Variants in L3MBTL4 observed in about 807,000 individuals in gnomAD.
The protein encoded by L3MBTL4 is L3MBTL histone methyl-lysine binding protein 4.
A neutral mutation model predicts 84.5 loss-of-function variants in L3MBTL4; 70 were observed. The observed-to-expected ratio is 0.83, with a 90% CI of 0.68 to 1.01. The LOEUF (loss-of-function observed/expected upper bound fraction) is 1.01. Ranked by LOEUF, L3MBTL4 falls within the 50% of genes least tolerant of loss-of-function variation. The pLI is 0.00. For missense variants in L3MBTL4, 715 were observed against 754.8 expected, an observed-to-expected ratio of 0.95 and a Z score of 0.62; for synonymous variants, 274 against 259.8, an observed-to-expected ratio of 1.05 and a Z score of -0.52.
chr18:6,301,997 T>C, intron 3 of L3MBTL4, 40 bp from the exon 4 acceptor site: 1 of 1,492,830 alleles, frequency 6.7e-7, no homozygotes, highest in Non-Finnish European at 9.4e-7. Flanking sequence ...TATTGCTGGA[T>C]AATTGTTGGA....
intron 1 of L3MBTL4, among the ~76,000 whole-genome samples, chr18:6,354,106 T>C (rs1555740880): frequency 1.3e-5 from 2 of 152,036 alleles, no homozygotes; most frequent in Non-Finnish European, 1.5e-5. Flanking sequence ...TGGAGTAGAA[T>C]ACAGAACCCA....
intron 11 of L3MBTL4, 132 bp downstream of exon 11, chr18:6,215,618 A>C (rs1231859520): frequency 2.1e-6 from 1 of 472,008 alleles, no homozygotes. Context: ...CTAAAAGAAA[A>C]GCATATTGGT....
chr18:6,177,953 A>G (rs1443016353), intron 12 of L3MBTL4, among the ~76,000 whole-genome samples: 4 of 152,160 alleles, frequency 2.6e-5, no homozygotes, highest in African/African-American at 9.7e-5. Context: ...TTATGTTTCA[A>G]AAGCAAGGAA....
At chr18:5,979,010 C>T (rs755310547) in intron 16 of L3MBTL4, among the ~76,000 whole-genome samples, 5 of 152,150 alleles carry the variant, frequency 3.3e-5, no homozygotes, top group African/African-American at 2.4e-5. Context: ...TAACCTCCAC[C>T]CCCCGGCACA....
intron 13 of L3MBTL4, among the ~76,000 whole-genome samples, chr18:6,154,569 T>A (rs966041999): frequency 3.9e-5 from 6 of 152,206 alleles, no homozygotes; most frequent in African/African-American, 1.4e-4. Flanking sequence ...GTCTTCTGAA[T>A]GTGCAAACAA....
At chr18:6,215,994 C>A (rs1046349609) in intron 10 of L3MBTL4, among the ~76,000 whole-genome samples, 159 bp from the exon 11 acceptor site, 2 of 152,144 alleles carry the variant, frequency 1.3e-5, no homozygotes, top group Non-Finnish European at 2.9e-5. Context: ...TTCACTTAAC[C>A]ATAACCTCTG....
At chr18:6,363,367 C>T (rs981400142) in intron 1 of L3MBTL4, among the ~76,000 whole-genome samples, 7 of 152,116 alleles carry the variant, frequency 4.6e-5, no homozygotes, top group African/African-American at 7.2e-5. Context: ...CAGGAAGCCC[C>T]GTGTCTTTTC....
rs563049420 is a variant in L3MBTL4 at position 5,980,215 on chromosome 18, G to C, written c.1445-10653C>G. 3.3e-5 allele frequency among the ~76,000 whole-genome samples: 5 copies of C among 152,272 alleles called. No homozygotes were observed. The South Asian group carries it at 1.0e-3, about 32-fold the overall frequency. ...GTTCTGGGAACCACCTGTTTTCACAGGCTTATGTGCTCCCTGCACCCTGCA... is the reference window on the plus strand; with the variant it reads ...GTTCTGGGAACCACCTGTTTTCACACGCTTATGTGCTCCCTGCACCCTGCA... On this transcript the variant is annotated intron_variant, in intron 16 of 18. Transcript: ENST00000317931.
At chr18:6,329,717 T>C (rs549585324) in intron 1 of L3MBTL4, among the ~76,000 whole-genome samples, 65 of 152,214 alleles carry the variant, frequency 4.3e-4, no homozygotes, top group Non-Finnish European at 7.6e-4. Context: ...CATGTCTCCT[T>C]CCTCTTCTTA....
intron 4 of L3MBTL4, among the ~76,000 whole-genome samples, chr18:6,288,522 G>A (rs2049698901): frequency 6.6e-6 from 1 of 152,060 alleles, no homozygotes; most frequent in African/African-American, 2.4e-5. Flanking sequence ...ATGTTTTAAG[G>A]TCATGAACCT....
intron 16 of L3MBTL4, among the ~76,000 whole-genome samples, chr18:6,028,938 G>C (rs942666308): frequency 9.2e-5 from 14 of 152,156 alleles, no homozygotes; most frequent in African/African-American, 2.9e-4. Context: ...AATAAGACCA[G>C]AGTAAAATAG....
intron 16 of L3MBTL4, among the ~76,000 whole-genome samples, chr18:6,021,912 C>T (rs73376062): frequency 0.035 from 5,400 of 152,272 alleles, 327 homozygotes; most frequent in African/African-American, 0.12. Flanking sequence ...CAAAGATGTG[C>T]TGAGCGCTGC....
chr18:6,267,264 T>C (rs755166070), intron 4 of L3MBTL4, among the ~76,000 whole-genome samples: 1 of 152,224 alleles, frequency 6.6e-6, no homozygotes, highest in Non-Finnish European at 1.5e-5. Context: ...CACTTACTAA[T>C]GTATGAGAAA....
intron 12 of L3MBTL4, among the ~76,000 whole-genome samples, chr18:6,176,456 T>C (rs565090119): frequency 6.6e-6 from 1 of 152,116 alleles, no homozygotes; most frequent in South Asian, 2.1e-4. Flanking sequence ...ATGAAGAAAG[T>C]ACAGTCTTTT....
chr18:6,376,641 G>A (rs1330663662), intron 1 of L3MBTL4, among the ~76,000 whole-genome samples: 2 of 152,176 alleles, frequency 1.3e-5, no homozygotes, highest in East Asian at 3.9e-4. Context: ...GGGAGGCTGA[G>A]ATGGGAGGAT....
intron 1 of L3MBTL4, among the ~76,000 whole-genome samples, chr18:6,330,876 T>C (rs1236903954): frequency 6.6e-6 from 1 of 152,238 alleles, no homozygotes; most frequent in East Asian, 1.9e-4. Context: ...AACATTAAAA[T>C]ACATTTTAAA....
At chr18:6,235,087 A>G (rs1425035867) in intron 10 of L3MBTL4, among the ~76,000 whole-genome samples, 1 of 152,018 alleles carries the variant, frequency 6.6e-6, no homozygotes, top group Non-Finnish European at 1.5e-5. Flanking sequence ...CAAACACCAC[A>G]TTTTCTCACT....
intron 4 of L3MBTL4, among the ~76,000 whole-genome samples, chr18:6,287,556 G>A (rs934659686): frequency 3.3e-5 from 5 of 152,130 alleles, no homozygotes; most frequent in Non-Finnish European, 7.3e-5. Flanking sequence ...CATTTTGATC[G>A]CTGTGCTGTT....
intron 17 of L3MBTL4, among the ~76,000 whole-genome samples, chr18:5,961,152 G>A (rs2095261450): frequency 1.3e-5 from 2 of 152,216 alleles, no homozygotes; most frequent in South Asian, 4.1e-4. Context: ...AATTGTGTGT[G>A]CTGGCCCTTC....
Sources: allele counts gnomAD v4.1 joint callset (sites outside exome capture counted in the v4.1 genomes callset), GRCh38; gene constraint gnomAD v4.1.1; transcripts MANE v1.5; gene names NCBI Gene and HGNC (gene_info 2026-07-23, HGNC 2026-07-21).